Variants in SLC16A3 observed in about 807,000 individuals in gnomAD.
SLC16A3 encodes monocarboxylate transporter 4.
A neutral mutation model predicts 25.0 loss-of-function variants in SLC16A3; 22 were observed. That is an observed-to-expected ratio of 0.88 (90% CI 0.63 to 1.26). The LOEUF is 1.26. Ranked by LOEUF, SLC16A3 falls within the 50% of genes most tolerant of loss-of-function variation. The pLI is 0.00. For missense variants in SLC16A3, 731 were observed against 666.6 expected (o/e 1.10, Z -1.06); for synonymous variants, 390 against 309.2 (o/e 1.26, Z -2.74).
intron 1 of SLC16A3, among the ~76,000 whole-genome samples, chr17:82,223,127 G>C (rs765857325): frequency 1.1e-4 from 17 of 152,168 alleles, no homozygotes; most frequent in Admixed American, 5.2e-4. Context: ...GTGCTGCTGA[G>C]CTGCCCTCTA....
At chr17:82,226,071 G>T (rs2147109409), upstream of SLC16A3, among the ~76,000 whole-genome samples, 1 of 152,114 alleles carries the variant, frequency 6.6e-6, no homozygotes, top group East Asian at 1.9e-4. Flanking sequence ...GCTTAAGCCT[G>T]CCAGGGAGCA....
intron 1 of SLC16A3, chr17:82,234,036 T>G (rs931893885): frequency 7.9e-6 from 1 of 126,172 alleles, no homozygotes; most frequent in Non-Finnish European, 1.8e-5. Flanking sequence ...GAGACGGGGT[T>G]TCACCGTGTT....
chr17:82,227,443 G>A (rs934429038), upstream of SLC16A3, among the ~76,000 whole-genome samples: 5 of 152,122 alleles, frequency 3.3e-5, no homozygotes, highest in African/African-American at 9.7e-5. Flanking sequence ...TGGGGAGCAC[G>A]GTACCCTCGC....
chr17:82,238,393 T>C (rs1049428987), intron 4 of SLC16A3, among the ~76,000 whole-genome samples: 3 of 152,140 alleles, frequency 2.0e-5, no homozygotes, highest in Admixed American at 2.0e-4. Flanking sequence ...GTAGGGCTTC[T>C]GGGGCTGCCG....
Position 82,239,094 on chromosome 17 carries a change from C to A in SLC16A3, c.*118C>A. The A allele has an allele frequency of 9.9e-7, 1 of 1,015,110 alleles. No individual in the cohort carries two copies. The highest frequency in any genetic ancestry group is 3.3e-4 in the Middle Eastern group (1 of 3,054). 62.9% of individuals were successfully genotyped at this position (1,015,110 alleles called of 1,614,324 possible). A position where few individuals can be genotyped will look rare whatever the true frequency, so the allele number is the denominator to read the frequency against. On this transcript the variant is annotated 3_prime_UTR_variant, in exon 5 of 5. Coordinates refer to ENST00000582743, the MANE Select transcript of SLC16A3 (RefSeq NM_004207.4). ...CCACGGCTGGGCTCCAGCTGCCGGCCCAGCGGATCGTCGCCCGATCAGTGT... is the reference window on the plus strand; with the variant it reads ...CCACGGCTGGGCTCCAGCTGCCGGCACAGCGGATCGTCGCCCGATCAGTGT...
At chr17:82,234,796 CAG>C (rs1426158500) in intron 1 of SLC16A3, 2 of 152,282 alleles carry the variant, frequency 1.3e-5, no homozygotes, top group Non-Finnish European at 2.9e-5. Flanking sequence ...CCCACCGGGT[CAG>C]GGGTCTGCGG....
upstream of SLC16A3, among the ~76,000 whole-genome samples, chr17:82,225,971 G>C (rs532396814): frequency 3.1e-4 from 47 of 152,228 alleles, no homozygotes; most frequent in African/African-American, 1.0e-3. Flanking sequence ...GCAGCCCATG[G>C]GGAGGAAGCA....
At chr17:82,236,674 G>A in intron 2 of SLC16A3, 55 bp from the exon 3 acceptor site, 1 of 1,576,492 alleles carries the variant, frequency 6.3e-7, no homozygotes, top group Admixed American at 1.7e-5. Flanking sequence ...TCAGTCGGCT[G>A]GCGGGGGTAG....
rs1463102143 is a variant in SLC16A3, at chr17:82,218,362, G to A, written c.-27+178G>A. Among the ~76,000 whole-genome samples, 53 of 123,582 alleles carry A rather than the reference G, an allele frequency of 4.3e-4. 1 individual carries two copies. The highest frequency in any genetic ancestry group is 1.6e-3 in the African/African-American group (50 of 30,436). The allele number at this position is 123,582 out of a possible 152,430, so 81.1% of individuals were successfully genotyped here. A position where few individuals can be genotyped will look rare whatever the true frequency, so the allele number is the denominator to read the frequency against. ...CACTGGGGGGGTGGACGGCCAAGGG[G>A]AGCCCAGCCTCGGTCACTGGGGGGG... On this transcript the variant is annotated intron_variant, in intron 1 of 4. Coordinates refer to the SLC16A3 transcript ENST00000580098.
In SLC16A3 at chr17:82,238,697, C is replaced by G. The variant is rs763021958; in HGVS notation, c.1124-5C>G. The G allele has an allele frequency of 2.5e-6, 4 of 1,605,202 alleles. No homozygotes were observed. The highest frequency in any genetic ancestry group is 2.6e-6 in the Non-Finnish European group (3 of 1,175,608). On this transcript the variant is annotated splice_polypyrimidine_tract_variant and splice_region_variant and intron_variant, in intron 4 of 4. Coordinates refer to ENST00000582743, the MANE Select transcript of SLC16A3 (RefSeq NM_004207.4). ...GCGGCTGGGACTGACGGGGTCTTCC[C>G]GCAGGCAAACTCCTGGATGCGACCC...
rs751161947 is a variant in SLC16A3, at chr17:82,237,473, G to T, written c.703G>T (p.Ala235Ser). ...CGGCTTTGTGCTTTACGCCGTGGCC[G>T]CCTCGGTCATGGTGCTGGGGCTCTT... ...DRGFVLYAVA[A>S]SVMVLGLFVP... Residue 235 changes from alanine to serine, a missense_variant, in exon 4 of 5, where the codon GCC becomes TCC. Physicochemically the swap from Ala to Ser is moderately conservative, Grantham distance 99 (BLOSUM62 1). Coordinates refer to ENST00000582743, the MANE Select transcript of SLC16A3 (RefSeq NM_004207.4). The T allele has an allele frequency of 1.2e-6, 2 of 1,608,942 alleles. No individual in the cohort carries two copies. The highest frequency in any genetic ancestry group is 2.2e-5 in the South Asian group (2 of 90,810).
chr17:82,233,911 G>C (rs901669821), intron 1 of SLC16A3: 27 of 152,184 alleles, frequency 1.8e-4, no homozygotes, highest in African/African-American at 6.5e-4. Flanking sequence ...CGCGATCTCG[G>C]CTCACTGCAA....
In SLC16A3 at chr17:82,238,897, T is replaced by G; in HGVS notation, c.1319T>G (p.Leu440Trp). Reference protein sequence around the residue: ...HKPPADSGVDLREVEHFLKAE... With the variant: ...HKPPADSGVDWREVEHFLKAE... ...CCTCCTGCAGACTCGGGGGTGGACT[T>G]GCGGGAGGTGGAGCATTTCCTGAAG... The change falls in exon 5 of 5, where the codon TTG becomes TGG. Residue 440 changes from leucine to tryptophan, a missense_variant. By Grantham distance (61) the Leu-to-Trp change is moderately conservative (BLOSUM62 -2). Coordinates refer to ENST00000582743, the MANE Select transcript of SLC16A3 (RefSeq NM_004207.4). The G allele has an allele frequency of 1.9e-6, 3 of 1,601,906 alleles. No homozygotes were observed. Among genetic ancestry groups the G allele is most frequent in the Non-Finnish European group, 2.6e-6 (3 of 1,172,000 alleles).
At position 82,237,762 on chromosome 17, in the gene SLC16A3, C is replaced by T. The variant is rs376552129; in HGVS notation, c.992C>T (p.Ser331Phe). The T allele has an allele frequency of 6.2e-6, 10 of 1,611,988 alleles. No homozygotes were observed. In the South Asian group the frequency reaches 6.6e-5, roughly 11 times the overall value. ...GTCTTCTGCATCTTCTTTGGCATCTCCTACGGCATGGTGGGGGCCCTGCAG... is the reference window on the plus strand; with the variant it reads ...GTCTTCTGCATCTTCTTTGGCATCTTCTACGGCATGGTGGGGGCCCTGCAG... The part of the protein sequence containing the change: ...LVVFCIFFGI[S>F]YGMVGALQFE... The change falls in exon 4 of 5, where the codon TCC becomes TTC. Residue 331 changes from serine to phenylalanine, a missense_variant. Coordinates refer to ENST00000582743, the MANE Select transcript of SLC16A3 (RefSeq NM_004207.4).
At position 82,239,486 on chromosome 17, in the gene SLC16A3, G is replaced by A. The variant is rs899642506; in HGVS notation, c.*510G>A. ...TGTGGGTGGAGTGTTAGGACCAACG[G>A]TTTCCTAGGAGTATGTGGTTTTGCT... is the stretch of plus-strand genomic sequence containing the variant. On this transcript the variant is annotated 3_prime_UTR_variant, in exon 5 of 5. Coordinates refer to ENST00000582743, the MANE Select transcript of SLC16A3 (RefSeq NM_004207.4). The A allele has an allele frequency of 1.2e-5, 2 of 169,086 alleles. No individual in the cohort carries two copies. Among genetic ancestry groups the A allele is most frequent in the Admixed American group, 1.3e-4 (2 of 15,724 alleles). 10.5% of individuals were successfully genotyped at this position (169,086 alleles called of 1,614,324 possible).
Position 82,236,873 on chromosome 17 carries a change from G to T in SLC16A3, c.367+1G>T. 1 of 1,605,060 alleles carries T rather than the reference G, an allele frequency of 6.2e-7. No homozygotes were observed. The highest frequency in any genetic ancestry group is 8.5e-7 in the Non-Finnish European group (1 of 1,179,610). On this transcript the variant is annotated splice_donor_variant, in intron 3 of 4. Coordinates refer to ENST00000582743, the MANE Select transcript of SLC16A3 (RefSeq NM_004207.4). LOFTEE classifies it high-confidence loss of function. Reference sequence around the variant, plus strand: ...TACCTCACCACTGGGGTCATCACGGGTGAGTGGGGCCGGCCGGTGGGCCGC... The same window carrying T: ...TACCTCACCACTGGGGTCATCACGGTTGAGTGGGGCCGGCCGGTGGGCCGC...
chr17:82,238,635 T>TG, intron 4 of SLC16A3, 67 bp from the exon 5 acceptor site: 1 of 1,464,432 alleles, frequency 6.8e-7, no homozygotes. Context: ...GACACAGGCT[T>TG]GGGTGGAGCC....
At chr17:82,228,549 G>A (rs1338310286), upstream of SLC16A3, 1 of 152,320 alleles carries the variant, frequency 6.6e-6, no homozygotes, top group Non-Finnish European at 1.5e-5. Context: ...GGGACAGGTC[G>A]GACGTGGCCT....
chr17:82,221,600 C>T (rs919135710), intron 1 of SLC16A3, among the ~76,000 whole-genome samples: 2 of 151,412 alleles, frequency 1.3e-5, no homozygotes, highest in African/African-American at 4.9e-5. Context: ...TAAACAACAA[C>T]AACAAAAAAG....
Sources: allele counts gnomAD v4.1 joint callset (sites outside exome capture counted in the v4.1 genomes callset), GRCh38; gene constraint gnomAD v4.1.1; transcripts MANE v1.5; gene names NCBI Gene and HGNC (gene_info 2026-07-23, HGNC 2026-07-21).